ATP6V1H: variants seen among roughly 807,000 people sequenced by gnomAD.
The protein encoded by ATP6V1H is V-type proton ATPase subunit H.
A neutral mutation model predicts 71.7 loss-of-function variants in ATP6V1H; 39 were observed. The observed-to-expected ratio is 0.54, with a 90% CI of 0.42 to 0.71. ATP6V1H has a LOEUF of 0.71. Ranked by LOEUF, ATP6V1H falls within the 30% of genes least tolerant of loss-of-function variation. The pLI is 0.00. For missense variants in ATP6V1H, 509 were observed against 594.9 expected, an observed-to-expected ratio of 0.86 and a Z score of 1.50; for synonymous variants, 192 against 199.3, an observed-to-expected ratio of 0.96 and a Z score of 0.31.
Position 53,721,735 on chromosome 8 carries a change from G to A in ATP6V1H, c.1392-5711C>T, listed in dbSNP as rs144183108. On this transcript the variant is annotated intron_variant, in intron 13 of 13. Coordinates refer to ENST00000359530, the MANE Select transcript of ATP6V1H (RefSeq NM_015941.4). ...ATTATTCTACCTCTCACTGGGTGGA[G>A]ACATATTATTGTACAGCTGGGAGAA... 3.5e-3 allele frequency among the ~76,000 whole-genome samples: 540 copies of A among 152,288 alleles called. 11 individuals are homozygous for A. The highest frequency in any genetic ancestry group is 0.032 in the Admixed American group (494 of 15,304).
intron 13 of ATP6V1H, among the ~76,000 whole-genome samples, chr8:53,725,701 G>T (rs1163287993): frequency 6.6e-6 from 1 of 151,388 alleles, no homozygotes; most frequent in Non-Finnish European, 1.5e-5. Context: ...AATACATTAG[G>T]ACCACATAAT....
chr8:53,724,592 C>G (rs1806741742), intron 13 of ATP6V1H, among the ~76,000 whole-genome samples: 1 of 145,940 alleles, frequency 6.9e-6, no homozygotes, highest in South Asian at 2.3e-4. Context: ...CCCCCTCCCC[C>G]TCCTCCCCGC....
chr8:53,766,298 A>G (rs1447482402), intron 11 of ATP6V1H, among the ~76,000 whole-genome samples: 4 of 152,246 alleles, frequency 2.6e-5, no homozygotes, highest in Admixed American at 6.5e-5. Context: ...TTTCATGGAC[A>G]CTTATCACTT....
At chr8:53,788,309 A>G (rs555138271) in intron 9 of ATP6V1H, among the ~76,000 whole-genome samples, 2 of 152,348 alleles carry the variant, frequency 1.3e-5, no homozygotes, top group South Asian at 4.1e-4. Context: ...AGACAATAGA[A>G]GCCCATAAAT....
chr8:53,758,191 T>G (rs1808140472), intron 11 of ATP6V1H, among the ~76,000 whole-genome samples: 1 of 152,240 alleles, frequency 6.6e-6, no homozygotes, highest in African/African-American at 2.4e-5. Context: ...TAAATTTAAT[T>G]CAACTGAAAC....
At chr8:53,795,945 G>A in intron 8 of ATP6V1H, 106 bp from the exon 9 acceptor site, 1 of 1,002,498 alleles carries the variant, frequency 1.0e-6, no homozygotes, top group Non-Finnish European at 1.4e-6. Context: ...TCTGAATTAT[G>A]TCCTGTTTCT....
intron 12 of ATP6V1H, among the ~76,000 whole-genome samples, chr8:53,745,597 C>T (rs1226171626): frequency 1.3e-5 from 2 of 152,030 alleles, no homozygotes; most frequent in African/African-American, 4.8e-5. Context: ...TTCTCTAACA[C>T]ACGAGTTTTC....
intron 13 of ATP6V1H, among the ~76,000 whole-genome samples, chr8:53,721,286 ATT>A (rs1170314355): frequency 6.6e-6 from 1 of 152,172 alleles, no homozygotes; most frequent in African/African-American, 2.4e-5. Flanking sequence ...AAAAAAACAA[ATT>A]TTGTTTTTCC....
rs528045239 is a variant in ATP6V1H at position 53,781,683 on chromosome 8, T to G, written c.871-9516A>C. Among the ~76,000 whole-genome samples the G allele has an allele frequency of 4.1e-3, 628 of 152,120 alleles. 6 individuals carry two copies. The highest frequency in any genetic ancestry group is 0.015 in the African/African-American group (605 of 41,448). On this transcript the variant is annotated intron_variant, in intron 9 of 13. Transcript: ENST00000359530. ...GTTTTTATGGTTTTAGGTCTAACAT[T>G]TAAGTCTTTAATCCATCTTGAATTA...
chr8:53,810,482 C>T (rs924217461), intron 7 of ATP6V1H, among the ~76,000 whole-genome samples: 1 of 152,362 alleles, frequency 6.6e-6, no homozygotes, highest in East Asian at 1.9e-4. Flanking sequence ...TGGCTCATGC[C>T]TGTAATCCCA....
At chr8:53,818,969 G>A (rs1810542706) in intron 4 of ATP6V1H, among the ~76,000 whole-genome samples, 1 of 152,146 alleles carries the variant, frequency 6.6e-6, no homozygotes, top group Non-Finnish European at 1.5e-5. Context: ...CACTTTGAGA[G>A]GCCAAGTGGG....
chr8:53,798,082 T>G (rs1352708178), intron 8 of ATP6V1H, among the ~76,000 whole-genome samples: 1 of 152,230 alleles, frequency 6.6e-6, no homozygotes, highest in African/African-American at 2.4e-5. Flanking sequence ...CTTGTGAGGC[T>G]AACAATATAT....
In ATP6V1H at chr8:53,814,696, T is replaced by C. The variant is rs763421167; in HGVS notation, c.491A>G (p.Tyr164Cys). ...ELMEGSDLNY[Y>C]FNWIKTQLSS... ...CAGCTGAGTTTTTATCCAATTGAAATAGTAATTTAAGTCACTGCCTTCCAT... is the reference window on the plus strand; with the variant it reads ...CAGCTGAGTTTTTATCCAATTGAAACAGTAATTTAAGTCACTGCCTTCCAT... The change falls in exon 6 of 14, where the codon TAT (tyrosine) becomes TGT (cysteine). Residue 164 changes from tyrosine (Y) to cysteine (C), a missense_variant. Tyr to Cys is a radical substitution (Grantham distance 194, BLOSUM62 -2). Around this residue, in one of 2 missense-constraint regions of ATP6V1H, gnomAD observed 297 missense variants for 303.3 expected, o/e 0.98. Coordinates refer to ENST00000359530, the MANE Select transcript of ATP6V1H (RefSeq NM_015941.4). 12 of 1,611,960 alleles carry C rather than the reference T, an allele frequency of 7.4e-6. No individual in the cohort carries two copies. The highest frequency in any genetic ancestry group is 1.3e-5 in the African/African-American group (1 of 74,846).
At chr8:53,834,330 C>T (rs1396588407) in intron 2 of ATP6V1H, among the ~76,000 whole-genome samples, 4 of 152,176 alleles carry the variant, frequency 2.6e-5, no homozygotes, top group East Asian at 1.9e-4. Context: ...AAAAAGCACT[C>T]GCTGTATATT....
chr8:53,756,713 C>T, intron 11 of ATP6V1H, 57 bp from the exon 12 acceptor site: 2 of 1,100,116 alleles, frequency 1.8e-6, no homozygotes, highest in Admixed American at 1.9e-5. Flanking sequence ...TAGACTACAA[C>T]AGAGCACAGG....
intron 11 of ATP6V1H, among the ~76,000 whole-genome samples, chr8:53,760,065 AG>A (rs375587858): frequency 5.9e-5 from 9 of 152,210 alleles, no homozygotes; most frequent in Non-Finnish European, 1.2e-4. Flanking sequence ...CCATCAAGTC[AG>A]GGGGTTGTTA....
chr8:53,735,714 G>A (rs1033426548), intron 13 of ATP6V1H, among the ~76,000 whole-genome samples: 3 of 152,108 alleles, frequency 2.0e-5, no homozygotes, highest in African/African-American at 7.2e-5. Flanking sequence ...TCATAATTAA[G>A]CACACAAAAA....
At chr8:53,787,068 T>C (rs1809411104) in intron 9 of ATP6V1H, among the ~76,000 whole-genome samples, 1 of 152,254 alleles carries the variant, frequency 6.6e-6, no homozygotes, top group African/African-American at 2.4e-5. Flanking sequence ...CCTACAAGTT[T>C]CTAAATGCTG....
intron 13 of ATP6V1H, 32 bp from the exon 14 acceptor site, chr8:53,716,056 GA>G: frequency 6.4e-7 from 1 of 1,562,430 alleles, no homozygotes; most frequent in Non-Finnish European, 8.7e-7. Flanking sequence ...AGGAGAATGA[GA>G]ATTTCAATAG....
Sources: gnomAD v4.1 joint callset for allele counts (sites outside exome capture counted in the v4.1 genomes callset) on GRCh38, gnomAD v4.1.1 for gene constraint, gnomAD v4.1.1 regional missense constraint, MANE v1.5 for transcripts, NCBI Gene and HGNC (gene_info 2026-07-23, HGNC 2026-07-21) for gene names.